The following ITGA6 variants were observed in gnomAD, a reference collection of about 807,000 sequenced individuals.
The protein encoded by ITGA6 is integrin subunit alpha 6.
Under a neutral mutation model 133.6 loss-of-function variants are expected in ITGA6, and 63 were observed. That is an observed-to-expected ratio of 0.47 (90% CI 0.38 to 0.58). The LOEUF is 0.58. Among genes scored for constraint, ITGA6 ranks in the 20% least tolerant of loss-of-function variants. ITGA6 has a pLI of 0.00. For synonymous variants in ITGA6, 434 were observed against 482.0 expected, an observed-to-expected ratio of 0.90 and a Z score of 1.30; for missense variants, 1,068 against 1,309.4, an observed-to-expected ratio of 0.82 and a Z score of 2.85.
intron 13 of ITGA6, among the ~76,000 whole-genome samples, chr2:172,486,555 T>C (rs907326524): frequency 4.6e-5 from 7 of 152,210 alleles, no homozygotes; most frequent in African/African-American, 1.7e-4. Flanking sequence ...AATAATAGTA[T>C]CTTTTTAGAG....
intron 1 of ITGA6, among the ~76,000 whole-genome samples, chr2:172,454,090 TG>T (rs1258752520): frequency 1.0e-4 from 11 of 108,560 alleles, no homozygotes; most frequent in Admixed American, 5.4e-4. Flanking sequence ...TGTTTTGTTT[TG>T]TTTTTTTTTT....
At chr2:172,464,739 A>G (rs1207862559) in intron 1 of ITGA6, among the ~76,000 whole-genome samples, 2 of 152,218 alleles carry the variant, frequency 1.3e-5, no homozygotes, top group Non-Finnish European at 2.9e-5. Flanking sequence ...AAGAAGGAAT[A>G]TTACAGTGCC....
intron 1 of ITGA6, among the ~76,000 whole-genome samples, chr2:172,428,868 T>C (rs1683993485): frequency 6.6e-6 from 1 of 152,230 alleles, no homozygotes; most frequent in East Asian, 1.9e-4. Context: ...TCCCACATGA[T>C]CGGCTATTTA....
chr2:172,430,116 T>C (rs1030747054), intron 1 of ITGA6, among the ~76,000 whole-genome samples: 1 of 152,264 alleles, frequency 6.6e-6, no homozygotes, highest in African/African-American at 2.4e-5. Context: ...TAGCAGCTGT[T>C]AATTTACTTT....
chr2:172,440,995 T>C (rs1684513485), intron 1 of ITGA6, among the ~76,000 whole-genome samples: 1 of 152,196 alleles, frequency 6.6e-6, no homozygotes, highest in Non-Finnish European at 1.5e-5. Flanking sequence ...CTGTCCTCTG[T>C]ATTAAGGCCA....
Position 172,480,063 on chromosome 2 carries a change from G to T in ITGA6, c.1549+12G>T. Reference sequence around the variant, plus strand: ...TAATCCTTCAATATGTAAGTACCTAGTACCTTTAAAATATGTCTACTTTCT... The same window carrying T: ...TAATCCTTCAATATGTAAGTACCTATTACCTTTAAAATATGTCTACTTTCT... On this transcript the variant is annotated intron_variant, in intron 11 of 25. Coordinates refer to ENST00000684293, the MANE Select transcript of ITGA6 (RefSeq NM_000210.4). 2 of 1,451,020 alleles carry T rather than the reference G, an allele frequency of 1.4e-6. No homozygotes were observed. The highest frequency in any genetic ancestry group is 1.9e-6 in the Non-Finnish European group (2 of 1,031,578). The allele number at this position is 1,451,020 out of a possible 1,614,324, so 89.9% of individuals were successfully genotyped here. A position where few individuals can be genotyped will look rare whatever the true frequency, so the allele number is the denominator to read the frequency against.
chr2:172,495,291 C>G (rs1001499530), intron 23 of ITGA6: 1 of 152,190 alleles, frequency 6.6e-6, no homozygotes, highest in Non-Finnish European at 1.5e-5. Flanking sequence ...TGCGTCATCC[C>G]CATGGAAATA....
chr2:172,448,946 G>A (rs1882166), intron 1 of ITGA6, among the ~76,000 whole-genome samples: 6 of 152,188 alleles, frequency 3.9e-5, no homozygotes, highest in African/African-American at 1.4e-4. Context: ...TGAGTTAGGG[G>A]TCTTGAAGGC....
At position 172,437,583 on chromosome 2, in the gene ITGA6, TG is replaced by T. The variant is rs142279073; in HGVS notation, c.182+9615del. Among the ~76,000 whole-genome samples, 975 of 152,218 alleles carry T rather than the reference TG, an allele frequency of 6.4e-3. 19 individuals carry two copies. In the South Asian group the frequency reaches 0.07, roughly 11 times the overall value. ...AGTATGGTTTTAGATATGTCAGGTT[TG>T]GAGTGTCTAGACAGCCAAGTGAGTT... On this transcript the variant is annotated intron_variant, in intron 1 of 25. Coordinates refer to ENST00000684293, the MANE Select transcript of ITGA6 (RefSeq NM_000210.4).
chr2:172,458,580 C>CTAAA (rs1685307217), intron 1 of ITGA6, among the ~76,000 whole-genome samples: 1 of 152,170 alleles, frequency 6.6e-6, no homozygotes, highest in East Asian at 1.9e-4. Flanking sequence ...CCCACTCAGC[C>CTAAA]TAAAGCGAAT....
intron 1 of ITGA6, among the ~76,000 whole-genome samples, chr2:172,445,095 A>T (rs879786940): frequency 9.9e-5 from 15 of 151,320 alleles, no homozygotes; most frequent in Non-Finnish European, 2.9e-5. Flanking sequence ...CCTCCCAAGT[A>T]GCTGGGACTA....
chr2:172,502,012 A>G, intron 25 of ITGA6, 111 bp downstream of exon 25: 22 of 932,806 alleles, frequency 2.4e-5, no homozygotes, highest in Non-Finnish European at 3.4e-5. Flanking sequence ...ATGTTTCCAA[A>G]TGTCCACACT....
At chr2:172,501,635 T>G (rs921694746) in intron 24 of ITGA6, 137 bp from the exon 25 acceptor site, 7 of 742,304 alleles carry the variant, frequency 9.4e-6, no homozygotes. Flanking sequence ...GCAGTGGCTG[T>G]TCATTGTTGG....
At position 172,470,853 on chromosome 2, in the gene ITGA6, T is replaced by G. The variant is rs1313608192; in HGVS notation, c.644-121T>G. The G allele has an allele frequency of 1.6e-5, 16 of 972,208 alleles. 1 individual carries two copies. The highest frequency in any genetic ancestry group is 2.5e-5 in the Non-Finnish European group (16 of 640,394). The allele number at this position is 972,208 out of a possible 1,614,324, so 60.2% of individuals were successfully genotyped here. ...TAAAAGTCATCTCTGTCCTTCCTTT[T>G]TTTCCTCCAAATTTTTTTTCCTGTA... On this transcript the variant is annotated intron_variant, in intron 4 of 25. Transcript: ENST00000684293.
At position 172,427,786 on chromosome 2, in the gene ITGA6, C is replaced by A; in HGVS notation, c.-3C>A. On this transcript the variant is annotated 5_prime_UTR_variant, in exon 1 of 26. Coordinates refer to ENST00000684293, the MANE Select transcript of ITGA6 (RefSeq NM_000210.4). ...CCCCGCTCCCCTCCCCGTGCGTCCG[C>A]CCATGGCCGCCGCCGGGCAGCTGTG... The A allele has an allele frequency of 6.3e-7, 1 of 1,590,032 alleles. No individual in the cohort carries two copies. Among genetic ancestry groups the A allele is most frequent in the Non-Finnish European group, 8.5e-7 (1 of 1,170,096 alleles).
intron 9 of ITGA6, 61 bp downstream of exon 9, chr2:172,476,574 G>T: frequency 1.0e-6 from 1 of 961,310 alleles, no homozygotes; most frequent in South Asian, 1.3e-5. Context: ...CTAAAATGTT[G>T]ACCTTTTGGA....
intron 1 of ITGA6, among the ~76,000 whole-genome samples, chr2:172,432,208 A>G (rs1056322142): frequency 1.3e-5 from 2 of 152,180 alleles, no homozygotes; most frequent in Non-Finnish European, 1.5e-5. Flanking sequence ...AGCCCATTTT[A>G]AGAATATAAT....
chr2:172,470,842 GTCCT>G, intron 4 of ITGA6, 128 bp from the exon 5 acceptor site: 4 of 836,048 alleles, frequency 4.8e-6, no homozygotes. Flanking sequence ...AGTCATCTCT[GTCCT>G]TCCTTTTTTT....
At chr2:172,493,879 A>G (rs1687022200) in intron 23 of ITGA6, among the ~76,000 whole-genome samples, 1 of 152,184 alleles carries the variant, frequency 6.6e-6, no homozygotes. Flanking sequence ...CTGGGTCACA[A>G]ATGAAAGTGA....
Sources: allele counts gnomAD v4.1 joint callset (sites outside exome capture counted in the v4.1 genomes callset), GRCh38; gene constraint gnomAD v4.1.1; transcripts MANE v1.5; gene names NCBI Gene and HGNC (gene_info 2026-07-23, HGNC 2026-07-21).